PACS2: variants seen among roughly 807,000 people sequenced by gnomAD.
PACS2 encodes the protein PACS1-like protein.
A neutral mutation model predicts 113.0 loss-of-function variants in PACS2; 36 were observed. The observed-to-expected ratio is 0.32, with a 90% CI of 0.24 to 0.42. The LOEUF is 0.42. Among genes scored for constraint, PACS2 ranks in the 10% least tolerant of loss-of-function variants. The pLI, the probability that PACS2 is intolerant of heterozygous loss-of-function variation, is 1.00. For synonymous variants in PACS2, 589 were observed against 536.1 expected, an observed-to-expected ratio of 1.10 and a Z score of -1.36; for missense variants, 1,015 against 1,239.5, an observed-to-expected ratio of 0.82 and a Z score of 2.72.
At chr14:105,394,513 C>CCGGGCAGGGGGGCAGG in intron 24 of PACS2, 41 bp from the exon 25 acceptor site, 1 of 1,605,466 alleles carries the variant, frequency 6.2e-7, no homozygotes, top group Non-Finnish European at 8.5e-7. Context: ...GGTGGGCAGG[C>CCGGGCAGGGGGGCAGG]CGGGCAGGGG....
chr14:105,357,547 A>T lies in PACS2; in HGVS notation c.423+2370A>T, dbSNP rs587722999. On this transcript the variant is annotated intron_variant, in intron 4 of 24. Coordinates refer to ENST00000447393, the MANE Select transcript of PACS2 (RefSeq NM_001100913.3). The surrounding 1 kb of genome is among the most constrained non-coding windows in gnomAD (Gnocchi z 5.1). ...TCCCAGAACCTAGTTGGGTCCTCCC[A>T]TGTGTCCCCGAGCACCAGGGCGGTT... is the stretch of plus-strand genomic sequence containing the variant. 1.3e-5 allele frequency among the ~76,000 whole-genome samples: 2 copies of T among 152,094 alleles called. No individual in the cohort carries two copies. Among genetic ancestry groups the T allele is most frequent in the Non-Finnish European group, 2.9e-5 (2 of 67,986 alleles).
In PACS2 at chr14:105,391,736, C is replaced by T. The variant is rs782503263; in HGVS notation, c.2225C>T (p.Pro742Leu). The stretch of plus-strand genomic sequence containing the variant: ...GCCTCACCCACCCCGCCCTCCTCCC[C>T]GTCGGTGAGCGGAGGCCTGTCCTCC... ...KEASPTPPSS[P>L]SVSGGLSSPS... The change falls in exon 22 of 25, where the codon CCG becomes CTG. Residue 742 changes from proline to leucine, a missense_variant. Physicochemically the swap from Pro to Leu is moderately conservative, Grantham distance 98. Coordinates refer to ENST00000447393, the MANE Select transcript of PACS2 (RefSeq NM_001100913.3). 10 of 1,596,172 alleles carry T rather than the reference C, an allele frequency of 6.3e-6. No homozygotes were observed. The highest frequency in any genetic ancestry group is 1.1e-5 in the South Asian group (1 of 88,126).
rs1171059265 is a variant in PACS2 at position 105,356,980 on chromosome 14, C to T, written c.423+1803C>T. On this transcript the variant is annotated intron_variant, in intron 4 of 24. Coordinates refer to ENST00000447393, the MANE Select transcript of PACS2 (RefSeq NM_001100913.3). This position sits in a 1 kb window ranked among gnomAD's most constrained non-coding sequence, Gnocchi z 4.0. The stretch of plus-strand genomic sequence containing the variant: ...CTGTGTTTCCCATTAGCCATGCAGG[C>T]GATGTCCTGCTGATCCCTGCTGGTC... Among the ~76,000 whole-genome samples the T allele has an allele frequency of 8.0e-5, 12 of 150,886 alleles. No homozygotes were observed. Among genetic ancestry groups the T allele is most frequent in the East Asian group, 2.0e-4 (1 of 5,072 alleles).
Position 105,366,378 on chromosome 14 carries a change from A to G in PACS2, c.424-835A>G, listed in dbSNP as rs1555407913. 6.6e-6 allele frequency among the ~76,000 whole-genome samples: 1 copy of G among 152,220 alleles called. No individual in the cohort carries two copies. The highest frequency in any genetic ancestry group is 1.5e-5 in the Non-Finnish European group (1 of 68,044). ...AGTAATAAATAAATAAATCTGGTCT[A>G]TAAAATCCTAACATCTGGATGTGAA... On this transcript the variant is annotated intron_variant, in intron 4 of 24. Coordinates refer to ENST00000447393, the MANE Select transcript of PACS2 (RefSeq NM_001100913.3). This position sits in a 1 kb window ranked among gnomAD's most constrained non-coding sequence, Gnocchi z 4.3.
Position 105,343,220 on chromosome 14 carries a change from C to G in PACS2, c.120-5273C>G, listed in dbSNP as rs587644720. Among the ~76,000 whole-genome samples, 3 of 152,310 alleles carry G rather than the reference C, an allele frequency of 2.0e-5. No individual in the cohort carries two copies. The East Asian group carries it at 5.8e-4, about 29-fold the overall frequency. The stretch of plus-strand genomic sequence containing the variant: ...CTTCCAGATCCATCCTATCACGTAT[C>G]GATCTGTTCCTAGCTGTTGCTGAAT... On this transcript the variant is annotated intron_variant, in intron 1 of 24. Coordinates refer to ENST00000447393, the MANE Select transcript of PACS2 (RefSeq NM_001100913.3).
intron 1 of PACS2, among the ~76,000 whole-genome samples, chr14:105,304,480 C>G (rs911607078): frequency 1.3e-5 from 2 of 152,016 alleles, no homozygotes; most frequent in African/African-American, 4.8e-5. Context: ...AAGAGTGAAA[C>G]TCCATCTCAC....
intron 2 of PACS2, among the ~76,000 whole-genome samples, chr14:105,351,799 C>T (rs967317829): frequency 2.0e-5 from 3 of 151,984 alleles, no homozygotes; most frequent in Admixed American, 6.6e-5. Flanking sequence ...GAGTTGAGAT[C>T]GAGCCACTGC....
At chr14:105,313,556 A>G (rs759659755), upstream of PACS2, among the ~76,000 whole-genome samples, 4 of 152,242 alleles carry the variant, frequency 2.6e-5, no homozygotes, top group Non-Finnish European at 4.4e-5. Flanking sequence ...TTACAGCTGG[A>G]GGCTGAGCTC....
At chr14:105,310,927 A>G (rs587733175), upstream of PACS2, among the ~76,000 whole-genome samples, 1 of 152,372 alleles carries the variant, frequency 6.6e-6, no homozygotes, top group Admixed American at 6.5e-5. Flanking sequence ...GTAAATACAT[A>G]CTGCACATGG....
chr14:105,351,033 G>A (rs975374384), intron 2 of PACS2, among the ~76,000 whole-genome samples: 4 of 152,168 alleles, frequency 2.6e-5, no homozygotes, highest in African/African-American at 9.7e-5. Flanking sequence ...CTGAGGCCCC[G>A]CTGCTCCCAC....
intron 1 of PACS2, among the ~76,000 whole-genome samples, chr14:105,337,713 C>T (rs1022455399): frequency 6.6e-6 from 1 of 152,208 alleles, no homozygotes; most frequent in Non-Finnish European, 1.5e-5. Context: ...CCCACCTGAG[C>T]CCCCTGAGAT....
At position 105,340,698 on chromosome 14, in the gene PACS2, A is replaced by G. The variant is rs1346465467; in HGVS notation, c.120-7795A>G. ...ACAGCACAGGTGACTTTTCTGTACC[A>G]GAGCTAGGAATGAAGGGCTGGCTGA... On this transcript the variant is annotated intron_variant, in intron 1 of 24. Coordinates refer to ENST00000447393, the MANE Select transcript of PACS2 (RefSeq NM_001100913.3). The surrounding 1 kb of genome is among the most constrained non-coding windows in gnomAD (Gnocchi z 4.2). 3.9e-5 allele frequency among the ~76,000 whole-genome samples: 6 copies of G among 152,192 alleles called. No homozygotes were observed. Among genetic ancestry groups the G allele is most frequent in the Non-Finnish European group, 7.4e-5 (5 of 68,024 alleles).
At chr14:105,382,454 T>C (rs1376213220) in intron 13 of PACS2, 23 bp from the exon 14 acceptor site, 9 of 1,389,406 alleles carry the variant, frequency 6.5e-6, no homozygotes, top group Admixed American at 1.7e-5. Context: ...CTTCTGGGTG[T>C]GGACAGGGCT....
At chr14:105,306,857 T>C (rs1277616031) in intron 1 of PACS2, among the ~76,000 whole-genome samples, 1 of 151,264 alleles carries the variant, frequency 6.6e-6, no homozygotes, top group Non-Finnish European at 1.5e-5. Flanking sequence ...CCATCTGCCT[T>C]GGCCTCCCAA....
At chr14:105,305,468 T>A (rs918874421) in intron 1 of PACS2, among the ~76,000 whole-genome samples, 2 of 152,032 alleles carry the variant, frequency 1.3e-5, no homozygotes, top group African/African-American at 4.8e-5. Flanking sequence ...GCTTCCCCCA[T>A]GTGAGGATGC....
intron 3 of PACS2, among the ~76,000 whole-genome samples, chr14:105,353,607 T>C (rs1555404679): frequency 6.6e-6 from 1 of 152,088 alleles, no homozygotes; most frequent in East Asian, 1.9e-4. Context: ...GTTTTTTGTT[T>C]GTTTGTTTGT....
intron 4 of PACS2, among the ~76,000 whole-genome samples, chr14:105,361,965 A>C (rs1595698050): frequency 6.6e-6 from 1 of 151,820 alleles, no homozygotes; most frequent in South Asian, 2.1e-4. Context: ...AACAAACAAA[A>C]AAAACGAATT....
Position 105,348,350 on chromosome 14 carries a change from G to C in PACS2, c.120-143G>C, listed in dbSNP as rs923782689. The C allele has an allele frequency of 6.6e-6, 4 of 607,734 alleles. No homozygotes were observed. The highest frequency in any genetic ancestry group is 1.2e-5 in the Non-Finnish European group (4 of 341,966). The allele number at this position is 607,734 out of a possible 1,614,324, so 37.6% of individuals were successfully genotyped here. A position where few individuals can be genotyped will look rare whatever the true frequency, so the allele number is the denominator to read the frequency against. ...GGGGTGATGTCTTGGAGCCCTGTGA[G>C]GTCCTGGGGCCGCCCAGGCAGTCAC... On this transcript the variant is annotated intron_variant, in intron 1 of 24. Transcript: ENST00000447393. The surrounding 1 kb of genome is among the most constrained non-coding windows in gnomAD (Gnocchi z 6.4).
In PACS2 at chr14:105,301,679, T is replaced by C. The variant is rs587748848; in HGVS notation, c.-83+700T>C. Among the ~76,000 whole-genome samples the C allele has an allele frequency of 1.4e-4, 21 of 152,292 alleles. 1 individual carries two copies. Among genetic ancestry groups the C allele is most frequent in the Admixed American group, 6.5e-4 (10 of 15,296 alleles). Reference sequence around the variant, plus strand: ...TCTCCGTTTTCTGTTCCCCTAAAATTCCCACTTTCTAGCAGTCATTCGTGG... The same window carrying C: ...TCTCCGTTTTCTGTTCCCCTAAAATCCCCACTTTCTAGCAGTCATTCGTGG... On this transcript the variant is annotated intron_variant, in intron 1 of 23. Coordinates refer to the PACS2 transcript ENST00000430725.
Sources: gnomAD v4.1 joint callset for allele counts (sites outside exome capture counted in the v4.1 genomes callset) on GRCh38, gnomAD v4.1.1 for gene constraint, Gnocchi (gnomAD v3.1) non-coding constraint, MANE v1.5 for transcripts, NCBI Gene and HGNC (gene_info 2026-07-23, HGNC 2026-07-21) for gene names.